The following CYP46A1 variants were observed in gnomAD, a reference collection of about 807,000 sequenced individuals.
The protein encoded by CYP46A1 is cytochrome P450 family 46 subfamily A member 1.
In CYP46A1, 20 loss-of-function variants were observed where a neutral mutation model predicts 63.3. That is an observed-to-expected ratio of 0.32 (90% CI 0.22 to 0.46). CYP46A1 has a LOEUF of 0.46. CYP46A1 is among the 20% of genes least tolerant of loss of function. CYP46A1 has a pLI of 1.00. For synonymous variants in CYP46A1, 268 were observed against 273.6 expected, an observed-to-expected ratio of 0.98 and a Z score of 0.20; for missense variants, 445 against 670.8, an observed-to-expected ratio of 0.66 and a Z score of 3.72.
chr14:99,720,057 C>CG (rs1359691166), intron 10 of CYP46A1, among the ~76,000 whole-genome samples: 3 of 150,864 alleles, frequency 2.0e-5, no homozygotes, highest in Admixed American at 6.6e-5. Context: ...CCACCGTGCC[C>CG]GGCAGAACTC....
intron 1 of CYP46A1, among the ~76,000 whole-genome samples, chr14:99,687,837 A>C (rs2056507879): frequency 1.3e-5 from 2 of 152,148 alleles, no homozygotes; most frequent in African/African-American, 4.8e-5. Context: ...GGGACATGCC[A>C]AGTGGGCTTC....
chr14:99,697,214 A>G (rs1023243307), intron 3 of CYP46A1, among the ~76,000 whole-genome samples: 3 of 152,232 alleles, frequency 2.0e-5, no homozygotes, highest in Non-Finnish European at 4.4e-5. Flanking sequence ...CCCCATGCAG[A>G]TGCTGCGTAG....
intron 1 of CYP46A1, among the ~76,000 whole-genome samples, chr14:99,687,563 G>A (rs1039611294): frequency 1.8e-4 from 27 of 152,090 alleles, no homozygotes; most frequent in African/African-American, 4.8e-4. Context: ...TCACCCTCAC[G>A]CCTACCCCTA....
chr14:99,702,930 A>G lies in CYP46A1; in HGVS notation c.443+2829A>G, dbSNP rs1458503363. 4.6e-5 allele frequency among the ~76,000 whole-genome samples: 7 copies of G among 152,304 alleles called. No homozygotes were observed. The East Asian group carries it at 1.3e-3, about 29-fold the overall frequency. On this transcript the variant is annotated intron_variant, in intron 5 of 14. Transcript: ENST00000261835. ...TTTGTCTAAAATCTAATCCATGTTC[A>G]TGTTTTTCATTTAATTCCCCTGTCA...
chr14:99,718,252 A>G (rs7151522), intron 10 of CYP46A1, 126 bp downstream of exon 10: 536,083 of 711,624 alleles, frequency 0.75, 203,323 homozygotes, highest in South Asian at 0.85. Context: ...GCCTTGGCAC[A>G]TGCTGTTCCC....
At position 99,725,061 on chromosome 14, in the gene CYP46A1, T is replaced by A. The variant is rs564834936; in HGVS notation, c.1177-330T>A. ...CCGGTTTGGCCATTTATTTGCCTGG[T>A]GACTTCAGGTGAGTCACTGAGCCTC... On this transcript the variant is annotated intron_variant, in intron 12 of 14. Coordinates refer to ENST00000261835, the MANE Select transcript of CYP46A1 (RefSeq NM_006668.2). This position sits in a 1 kb window ranked among gnomAD's most constrained non-coding sequence, Gnocchi z 4.2. Among the ~76,000 whole-genome samples the A allele has an allele frequency of 6.6e-6, 1 of 152,266 alleles. No homozygotes were observed. Among genetic ancestry groups the A allele is most frequent in the East Asian group, 1.9e-4 (1 of 5,174 alleles).
At chr14:99,692,696 G>C (rs2056554140) in intron 3 of CYP46A1, among the ~76,000 whole-genome samples, 1 of 151,886 alleles carries the variant, frequency 6.6e-6, no homozygotes, top group Non-Finnish European at 1.5e-5. Context: ...TGGGTGTGGT[G>C]GTGGGCGCCT....
chr14:99,706,297 G>A (rs750525555), intron 5 of CYP46A1: 70 of 186,838 alleles, frequency 3.7e-4, no homozygotes, highest in Non-Finnish European at 2.6e-4. Flanking sequence ...GAGGGGAACC[G>A]GGATTGCCCT....
intron 5 of CYP46A1, among the ~76,000 whole-genome samples, chr14:99,704,954 T>A (rs1305210786): frequency 6.6e-6 from 1 of 152,116 alleles, no homozygotes; most frequent in African/African-American, 2.4e-5. Flanking sequence ...AGCATTGTAT[T>A]TGGAGGAGCC....
chr14:99,694,781 G>T (rs568303154), intron 3 of CYP46A1, among the ~76,000 whole-genome samples: 11 of 152,096 alleles, frequency 7.2e-5, no homozygotes, highest in African/African-American at 2.7e-4. Context: ...GATTGCAGGC[G>T]TGAGCCACCA....
At position 99,684,361 on chromosome 14, in the gene CYP46A1, TCCCGGCCCCCTCGGCG is replaced by T. The variant is rs1361138859; in HGVS notation, c.-48_-33del. 7 of 1,130,394 alleles carry T rather than the reference TCCCGGCCCCCTCGGCG, an allele frequency of 6.2e-6. No homozygotes were observed. The highest frequency in any genetic ancestry group is 4.5e-5 in the Admixed American group (1 of 22,426). 70.0% of individuals were successfully genotyped at this position (1,130,394 alleles called of 1,614,324 possible). On this transcript the variant is annotated 5_prime_UTR_variant, in exon 1 of 15. Coordinates refer to ENST00000261835, the MANE Select transcript of CYP46A1 (RefSeq NM_006668.2). Reference sequence around the variant, plus strand: ...CTGACAGCTGAGTCGGCTCGCGGCCTCCCGGCCCCCTCGGCGCCCGGCCCGACCCTGGCCTGGCCTG... The same window carrying T: ...CTGACAGCTGAGTCGGCTCGCGGCCTCCCGGCCCGACCCTGGCCTGGCCTG...
chr14:99,699,204 T>C (rs1029150775), intron 3 of CYP46A1, among the ~76,000 whole-genome samples: 5 of 152,070 alleles, frequency 3.3e-5, no homozygotes, highest in African/African-American at 4.8e-5. Context: ...GAGTGTGACA[T>C]TGGAGTGAGC....
In CYP46A1 at chr14:99,722,024, C is replaced by T. The variant is rs143992631; in HGVS notation, c.1134C>T (p.Thr378=). The T allele has an allele frequency of 5.7e-5, 92 of 1,613,602 alleles. No homozygotes were observed. The highest frequency in any genetic ancestry group is 5.3e-4 in the African/African-American group (40 of 74,998). The change falls in exon 12 of 15, where the codon ACC becomes ACT. Residue 378 remains threonine, a synonymous_variant. Transcript: ENST00000261835. This position sits in a 1 kb window ranked among gnomAD's most constrained non-coding sequence, Gnocchi z 4.6. ...WGTFRLLEEE[T]LIDGVRVPGN... is the part of the protein sequence containing the mutation. Reference sequence around the variant, plus strand: ...CCTTTCGCCTGCTGGAAGAGGAGACCTTGATTGATGGGGTCAGAGTCCCCG... The same window carrying T: ...CCTTTCGCCTGCTGGAAGAGGAGACTTTGATTGATGGGGTCAGAGTCCCCG...
chr14:99,710,060 C>T (rs2056715688), intron 7 of CYP46A1: 1 of 152,116 alleles, frequency 6.6e-6, no homozygotes. Context: ...ACTAGACTGG[C>T]CCTACAAGAA....
At position 99,726,721 on chromosome 14, in the gene CYP46A1, C is replaced by T. The variant is rs754778906; in HGVS notation, c.1497C>T (p.Pro499=). The part of the protein sequence containing the change: ...RGWQPAPPPP[P]C ...GGCAGCCCGCACCCCCACCACCCCC[C>T]TGCTGAGGGGGCCTCCAGGCAGGAC... Residue 499 remains proline (P), a synonymous_variant, in exon 15 of 15, where the codon CCC becomes CCT. Transcript: ENST00000261835. The T allele has an allele frequency of 6.5e-7, 1 of 1,528,544 alleles. No individual in the cohort carries two copies. Among genetic ancestry groups the T allele is most frequent in the Non-Finnish European group, 8.8e-7 (1 of 1,136,308 alleles). The allele number at this position is 1,528,544 out of a possible 1,614,324, so 94.7% of individuals were successfully genotyped here.
chr14:99,711,924 A>C (rs1448741854), intron 7 of CYP46A1: 3 of 152,206 alleles, frequency 2.0e-5, no homozygotes, highest in South Asian at 2.1e-4. Flanking sequence ...ACACATTAAA[A>C]AGGTAATTCA....
chr14:99,715,878 C>G lies in CYP46A1; in HGVS notation c.762C>G (p.Gly254=). The change falls in exon 8 of 15, where the codon GGC becomes GGG. Residue 254 remains glycine (G), a synonymous_variant. Transcript: ENST00000261835. The part of the protein sequence containing the change: ...RESIRFLRQV[G]RDWVQRRREA... ...GCATTCGCTTCCTGCGCCAGGTGGGCAGGGACTGGGTCCAGCGCCGCCGGG... is the reference window on the plus strand; with the variant it reads ...GCATTCGCTTCCTGCGCCAGGTGGGGAGGGACTGGGTCCAGCGCCGCCGGG... 1 of 1,613,940 alleles carries G rather than the reference C, an allele frequency of 6.2e-7. No individual in the cohort carries two copies. The highest frequency in any genetic ancestry group is 1.1e-5 in the South Asian group (1 of 91,056).
chr14:99,721,029 G>T (rs1244075044), intron 10 of CYP46A1, among the ~76,000 whole-genome samples: 1 of 152,168 alleles, frequency 6.6e-6, no homozygotes, highest in Non-Finnish European at 1.5e-5. Context: ...GGCGGAGGTT[G>T]CAGTGAGCCG....
At chr14:99,686,535 T>C (rs962788919) in intron 1 of CYP46A1, among the ~76,000 whole-genome samples, 1 of 152,166 alleles carries the variant, frequency 6.6e-6, no homozygotes, top group African/African-American at 2.4e-5. Flanking sequence ...CTGGCAACCA[T>C]GAATCTGCTT....
Sources: allele counts gnomAD v4.1 joint callset (sites outside exome capture counted in the v4.1 genomes callset), GRCh38; gene constraint gnomAD v4.1.1; non-coding constraint Gnocchi (gnomAD v3.1); transcripts MANE v1.5; gene names NCBI Gene and HGNC (gene_info 2026-07-23, HGNC 2026-07-21).